The following STRIP1 variants were observed in gnomAD, a reference collection of about 807,000 sequenced individuals.
STRIP1 encodes striatin-interacting protein 1.
Under a neutral mutation model 106.2 loss-of-function variants are expected in STRIP1, and 63 were observed. That is an observed-to-expected ratio of 0.59 (90% CI 0.48 to 0.73). The LOEUF (loss-of-function observed/expected upper bound fraction) is 0.73. Among genes scored for constraint, STRIP1 ranks in the 30% least tolerant of loss-of-function variants. The pLI is 0.00. For synonymous variants in STRIP1, 390 were observed against 413.0 expected (o/e 0.94, Z 0.67); for missense variants, 857 against 1,074.8 (o/e 0.80, Z 2.83).
At chr1:110,034,547 G>A (rs1468262689), upstream of STRIP1, 2 of 1,417,498 alleles carry the variant, frequency 1.4e-6, no homozygotes, top group Non-Finnish European at 1.8e-6. Flanking sequence ...CACTTAATAT[G>A]GCGGCCAGGG....
Position 110,051,697 on chromosome 1 carries a change from C to G in STRIP1, c.2076C>G (p.Phe692Leu). The G allele has an allele frequency of 6.2e-7, 1 of 1,606,414 alleles. No homozygotes were observed. The highest frequency in any genetic ancestry group is 1.1e-5 in the South Asian group (1 of 89,932). ...KHSRTMMLVV[F>L]KSAPILKRAL... ...TCCCTTCCCAGATGCTGGTGGTGTT[C>G]AAGTCAGCCCCCATCTTGAAGCGGG... Residue 692 changes from phenylalanine to leucine, a missense_variant, in exon 20 of 21, where the codon TTC becomes TTG. Physicochemically the swap from Phe to Leu is conservative, Grantham distance 22. This residue lies in a region of STRIP1 where 750 missense variants were observed against 989.8 expected (regional missense o/e 0.76). Transcript: ENST00000369795.
chr1:110,041,499 C>G (rs1158074169), intron 6 of STRIP1, 37 bp from the exon 7 acceptor site: 1 of 1,530,166 alleles, frequency 6.5e-7, no homozygotes, highest in African/African-American at 1.4e-5. Context: ...TTTGACCCCC[C>G]CATCCCACTC....
chr1:110,045,077 A>G lies in STRIP1; in HGVS notation c.1415A>G (p.Gln472Arg). The G allele has an allele frequency of 1.9e-6, 3 of 1,614,052 alleles. No individual in the cohort carries two copies. Among genetic ancestry groups the G allele is most frequent in the Non-Finnish European group, 2.5e-6 (3 of 1,179,932 alleles). Residue 472 changes from glutamine (Q) to arginine (R), a missense_variant and splice_region_variant, in exon 12 of 21, where the codon CAG becomes CGG. Gln to Arg is a conservative substitution (Grantham distance 43, BLOSUM62 1). Coordinates refer to ENST00000369795, the MANE Select transcript of STRIP1 (RefSeq NM_033088.4). ...CACGAAAGCATCAAGACTCTGAAAC[A>G]GGTGAGTGGCTTTGGGTGAGCTTTT... ...PIHESIKTLK[Q>R]HKYTSIAEVQ... is the part of the protein sequence containing the mutation.
At chr1:110,052,069 C>G (rs1157028170) in intron 20 of STRIP1, among the ~76,000 whole-genome samples, 182 bp downstream of exon 20, 1 of 152,168 alleles carries the variant, frequency 6.6e-6, no homozygotes, top group African/African-American at 2.4e-5. Context: ...CTTTGAGAAG[C>G]TACCCAGCCT....
chr1:110,034,645 C>A lies in STRIP1; in HGVS notation c.8C>A (p.Pro3Gln). ...GGGTGTGGAGCAGCCAAGATGGAGC[C>A]GGCAGTCGGCGGTCCGGGCCCACTG... Reference protein sequence around the residue: MEPAVGGPGPLIV... With the variant: MEQAVGGPGPLIV... Residue 3 changes from proline (P) to glutamine (Q), a missense_variant, in exon 1 of 21, where the codon CCG (proline) becomes CAG (glutamine). This residue lies in a region of STRIP1 where 107 missense variants were observed against 85.1 expected (regional missense o/e 1.26). Transcript: ENST00000369795. 6.6e-7 allele frequency: 1 copy of A among 1,520,886 alleles called. No homozygotes were observed. Among genetic ancestry groups the A allele is most frequent in the Non-Finnish European group, 8.8e-7 (1 of 1,135,374 alleles). 94.2% of individuals were successfully genotyped at this position (1,520,886 alleles called of 1,614,324 possible).
At chr1:110,033,708 A>G (rs1652295620), upstream of STRIP1, among the ~76,000 whole-genome samples, 1 of 152,196 alleles carries the variant, frequency 6.6e-6, no homozygotes, top group Admixed American at 6.5e-5. Context: ...ACCTCCAAAT[A>G]CCATCAACAT....
At chr1:110,039,048 C>CT in intron 3 of STRIP1, 124 bp from the exon 4 acceptor site, 1 of 1,122,342 alleles carries the variant, frequency 8.9e-7, no homozygotes, top group South Asian at 1.5e-5. Context: ...GATCTTACCA[C>CT]TTACATAGGG....
Position 110,038,669 on chromosome 1 carries a change from C to T in STRIP1, c.251-14C>T, listed in dbSNP as rs374033887. 1.3e-5 allele frequency: 21 copies of T among 1,613,176 alleles called. No homozygotes were observed. The highest frequency in any genetic ancestry group is 1.6e-5 in the Non-Finnish European group (19 of 1,179,378). ...AGACATGGAACCAATGGTGACGAGA[C>T]TTTGTTCTGACAGAGCTTTACAGCT... is the stretch of plus-strand genomic sequence containing the variant. On this transcript the variant is annotated splice_polypyrimidine_tract_variant and intron_variant, in intron 2 of 20. Transcript: ENST00000369795.
chr1:110,045,055 G>A lies in STRIP1; in HGVS notation c.1393G>A (p.Glu465Lys), dbSNP rs765581193. The change falls in exon 12 of 21, where the codon GAA becomes AAA. Residue 465 changes from glutamate to lysine, a missense_variant. Coordinates refer to ENST00000369795, the MANE Select transcript of STRIP1 (RefSeq NM_033088.4). ...TVVGLPRPIH[E>K]SIKTLKQHKY... is the part of the protein sequence containing the mutation. The stretch of plus-strand genomic sequence containing the variant: ...GGTGGGGCTGCCCAGGCCAATCCAC[G>A]AAAGCATCAAGACTCTGAAACAGGT... 11 of 1,614,074 alleles carry A rather than the reference G, an allele frequency of 6.8e-6. No homozygotes were observed. The highest frequency in any genetic ancestry group is 6.7e-5 in the African/African-American group (5 of 75,018).
chr1:110,048,004 G>A (rs543988675), intron 15 of STRIP1, 135 bp downstream of exon 15: 1 of 729,102 alleles, frequency 1.4e-6, no homozygotes, highest in Non-Finnish European at 2.3e-6. Flanking sequence ...CCCAAAAAAA[G>A]GAAACTACGA....
chr1:110,032,578 A>T (rs1652244868), upstream of STRIP1, among the ~76,000 whole-genome samples: 1 of 152,156 alleles, frequency 6.6e-6, no homozygotes. Flanking sequence ...TGAAGTCTTG[A>T]TCTTTCCTCT....
intron 5 of STRIP1, chr1:110,039,858 G>T: frequency 7.7e-7 from 1 of 1,300,584 alleles, no homozygotes; most frequent in Non-Finnish European, 1.0e-6. Flanking sequence ...TTCCGCCTTG[G>T]CAGGAGGCCA....
intron 10 of STRIP1, 145 bp downstream of exon 10, chr1:110,044,001 C>G (rs539514986): frequency 1.6e-5 from 12 of 750,890 alleles, no homozygotes; most frequent in African/African-American, 1.2e-4. Flanking sequence ...CTTAAAGCAC[C>G]CTGTGCTGTC....
At position 110,038,201 on chromosome 1, in the gene STRIP1, C is replaced by A. The variant is rs1557787836; in HGVS notation, c.250+241C>A. The A allele has an allele frequency of 1.5e-4, 26 of 170,856 alleles. 1 individual carries two copies. The highest frequency in any genetic ancestry group is 1.3e-3 in the Admixed American group (22 of 16,328). 10.6% of individuals were successfully genotyped at this position (170,856 alleles called of 1,614,324 possible). A position where few individuals can be genotyped will look rare whatever the true frequency, so the allele number is the denominator to read the frequency against. ...TTTATGAAGCTGGCTAGAGCCCAGT[C>A]CCATTGTGAGACAGTGATGTTCCTT... On this transcript the variant is annotated intron_variant, in intron 2 of 20. Transcript: ENST00000369795.
At chr1:110,053,492 C>G (rs539121073) in intron 20 of STRIP1, among the ~76,000 whole-genome samples, 173 bp from the exon 21 acceptor site, 1 of 152,254 alleles carries the variant, frequency 6.6e-6, no homozygotes, top group East Asian at 1.9e-4. Context: ...TCTGGCTTTT[C>G]TGCTTGTACT....
At chr1:110,037,335 A>G (rs1372629194) in intron 1 of STRIP1, among the ~76,000 whole-genome samples, 1 of 152,156 alleles carries the variant, frequency 6.6e-6, no homozygotes, top group East Asian at 1.9e-4. Flanking sequence ...TGTGGGAGGG[A>G]AGTTGATCTG....
intron 5 of STRIP1, chr1:110,039,790 A>T: frequency 2.3e-6 from 3 of 1,319,042 alleles, no homozygotes; most frequent in Non-Finnish European, 3.0e-6. Context: ...TCAGAAGGAG[A>T]CTCTTCACTT....
chr1:110,052,012 G>A, intron 20 of STRIP1, 125 bp downstream of exon 20: 1 of 1,002,452 alleles, frequency 1.0e-6, no homozygotes. Context: ...ACAGGAAGGA[G>A]CCCAGCTCCT....
Position 110,039,503 on chromosome 1 carries a change from A to C in STRIP1, c.569A>C (p.Asn190Thr). The C allele has an allele frequency of 6.2e-7, 1 of 1,603,290 alleles. No homozygotes were observed. The highest frequency in any genetic ancestry group is 8.5e-7 in the Non-Finnish European group (1 of 1,174,886). ...GTFNALVELL[N>T]MEIDNSAACS... ...TTCAATGCTTTGGTGGAGCTTCTGA[A>C]CATGGAAATAGAGTGAGCATTTTTG... The change falls in exon 5 of 21, where the codon AAC (asparagine) becomes ACC (threonine). Residue 190 changes from asparagine (N) to threonine (T), a missense_variant. Transcript: ENST00000369795.
Sources: gnomAD v4.1 joint callset for allele counts (sites outside exome capture counted in the v4.1 genomes callset) on GRCh38, gnomAD v4.1.1 for gene constraint, gnomAD v4.1.1 regional missense constraint, MANE v1.5 for transcripts, NCBI Gene and HGNC (gene_info 2026-07-23, HGNC 2026-07-21) for gene names.